Variants in IGFL2 observed in about 807,000 individuals in gnomAD.
IGFL2 encodes the protein IGF like family member 2, also known as insulin growth factor-like family member 2.
IGFL2 carries 7 observed loss-of-function variants against 13.9 expected under a neutral mutation model. The observed-to-expected ratio is 0.51, with a 90% CI of 0.29 to 0.95. IGFL2 has a LOEUF of 0.95. IGFL2 is among the 40% of genes least tolerant of loss of function. The probability of loss-of-function intolerance (pLI) is 0.08; values close to 1 mark genes in which losing one functional copy is unlikely to be tolerated. For missense variants in IGFL2, 138 were observed against 147.8 expected, an observed-to-expected ratio of 0.93 and a Z score of 0.34; for synonymous variants, 55 against 55.8, an observed-to-expected ratio of 0.99 and a Z score of 0.07.
the IGFL2 span, among the ~76,000 whole-genome samples, chr19:46,167,312 A>G: frequency 6.6e-6 from 1 of 152,186 alleles, no homozygotes; most frequent in African/African-American, 2.4e-5. Context: ...TCTGTCAATA[A>G]TGTCCTGCGT....
the IGFL2 span, among the ~76,000 whole-genome samples, chr19:46,135,542 C>CTGA: frequency 6.6e-6 from 1 of 152,184 alleles, no homozygotes; most frequent in Non-Finnish European, 1.5e-5. Context: ...AGGAACCTCA[C>CTGA]TGAAGTAGGA....
At chr19:46,192,693 A>C in the IGFL2 span, among the ~76,000 whole-genome samples, 1 of 152,042 alleles carries the variant, frequency 6.6e-6, no homozygotes, top group South Asian at 2.1e-4. Flanking sequence ...TTCTGGGATT[A>C]CAGGTGTGAG....
At chr19:46,164,000 C>T (rs1176169152), downstream of IGFL2, 2 of 152,382 alleles carry the variant, frequency 1.3e-5, no homozygotes, top group African/African-American at 2.4e-5. Flanking sequence ...TTTGGGAGGT[C>T]CTGCCCAGTG....
chr19:46,177,018 T>C, the IGFL2 span, among the ~76,000 whole-genome samples: 1 of 152,144 alleles, frequency 6.6e-6, no homozygotes, highest in African/African-American at 2.4e-5. Flanking sequence ...GTTCCAGATA[T>C]CTTGAAGGTT....
chr19:46,099,896 A>G, the IGFL2 span, among the ~76,000 whole-genome samples: 1 of 151,852 alleles, frequency 6.6e-6, no homozygotes, highest in African/African-American at 2.4e-5. Flanking sequence ...ATAGTATTCA[A>G]GCTCTGATAT....
the IGFL2 span, among the ~76,000 whole-genome samples, chr19:46,080,371 A>T: frequency 3.3e-5 from 5 of 152,054 alleles, no homozygotes; most frequent in Admixed American, 6.6e-5. Flanking sequence ...ACTTAGGGAG[A>T]TCCCATCTCT....
chr19:46,186,220 C>T, the IGFL2 span, among the ~76,000 whole-genome samples: 3 of 152,314 alleles, frequency 2.0e-5, no homozygotes, highest in East Asian at 3.9e-4. Context: ...CCAAGGGGCA[C>T]CAGGAAACGG....
At chr19:46,124,088 G>A in the IGFL2 span, 33 of 1,611,546 alleles carry the variant, frequency 2.0e-5, no homozygotes, top group Non-Finnish European at 2.5e-5. Flanking sequence ...TGCTCTGAAG[G>A]GTTGTAGATC....
At chr19:46,180,807 T>G in the IGFL2 span, among the ~76,000 whole-genome samples, 1 of 152,166 alleles carries the variant, frequency 6.6e-6, no homozygotes. Context: ...GAACCTGAAG[T>G]CTTGATGTTC....
the IGFL2 span, among the ~76,000 whole-genome samples, chr19:46,133,066 C>A: frequency 6.6e-6 from 1 of 152,192 alleles, no homozygotes; most frequent in African/African-American, 2.4e-5. Flanking sequence ...GGCTGGCAGG[C>A]TGGAGAAAGA....
upstream of IGFL2, among the ~76,000 whole-genome samples, chr19:46,144,776 A>G (rs376906738): frequency 3.0e-4 from 46 of 152,220 alleles, no homozygotes; most frequent in East Asian, 6.4e-3. Flanking sequence ...AGGTTACAGA[A>G]CAGTTCCATC....
chr19:46,156,022 G>A (rs1355075387), intron 1 of IGFL2, among the ~76,000 whole-genome samples: 1 of 152,078 alleles, frequency 6.6e-6, no homozygotes, highest in African/African-American at 2.4e-5. Flanking sequence ...TCACTGTGTT[G>A]CCCAGGCTGG....
upstream of IGFL2, among the ~76,000 whole-genome samples, chr19:46,145,150 A>G (rs1281080208): frequency 6.6e-6 from 1 of 152,204 alleles, no homozygotes; most frequent in Non-Finnish European, 1.5e-5. Flanking sequence ...AGGAGTGTGA[A>G]TGATGGGTTG....
At chr19:46,160,123 C>T (rs1974067966) in intron 1 of IGFL2, 2 of 445,432 alleles carry the variant, frequency 4.5e-6, no homozygotes, top group Admixed American at 3.6e-5. Context: ...TCTTTAACAG[C>T]TGCTCCCTCC....
the IGFL2 span, among the ~76,000 whole-genome samples, chr19:46,119,045 T>G: frequency 6.6e-6 from 1 of 152,098 alleles, no homozygotes; most frequent in South Asian, 2.1e-4. Context: ...ATCTCTGTTT[T>G]GTCTGGTCAC....
chr19:46,210,760 A>C, the IGFL2 span, among the ~76,000 whole-genome samples: 1 of 152,166 alleles, frequency 6.6e-6, no homozygotes, highest in Non-Finnish European at 1.5e-5. Context: ...CTAATGCAAA[A>C]GTTAATCTCC....
chr19:46,119,481 G>GTTTC, the IGFL2 span, among the ~76,000 whole-genome samples: 2 of 151,560 alleles, frequency 1.3e-5, no homozygotes, highest in African/African-American at 4.9e-5. Flanking sequence ...CTACTGACTG[G>GTTTC]AGCCAGGGTA....
the IGFL2 span, among the ~76,000 whole-genome samples, chr19:46,122,123 CA>C: frequency 2.0e-5 from 3 of 150,662 alleles, no homozygotes; most frequent in Non-Finnish European, 2.9e-5. Flanking sequence ...CCTTTAATTC[CA>C]AGACAATTTG....
chr19:46,167,210 C>T, the IGFL2 span, among the ~76,000 whole-genome samples: 7 of 152,194 alleles, frequency 4.6e-5, no homozygotes, highest in East Asian at 1.9e-4. Flanking sequence ...CCGTTCCCTC[C>T]GTTTGGGGTC....
Sources: allele counts gnomAD v4.1 joint callset (sites outside exome capture counted in the v4.1 genomes callset), GRCh38; gene constraint gnomAD v4.1.1; transcripts MANE v1.5; gene names NCBI Gene and HGNC (gene_info 2026-07-23, HGNC 2026-07-21).